Variants in FAM83D observed in about 807,000 individuals in gnomAD.
The protein encoded by FAM83D is protein FAM83D.
In FAM83D, 26 loss-of-function variants were observed where a neutral mutation model predicts 25.4. The ratio of observed to expected loss-of-function variants is 1.02; its 90% CI spans 0.75 to 1.42. The LOEUF (loss-of-function observed/expected upper bound fraction) is 1.42, where lower values mean the gene tolerates loss of function less well. Ranked by LOEUF, FAM83D falls within the 40% of genes most tolerant of loss-of-function variation. FAM83D has a pLI of 0.00. For missense variants in FAM83D, 740 were observed against 758.1 expected, an observed-to-expected ratio of 0.98 and a Z score of 0.28; for synonymous variants, 310 against 318.5, an observed-to-expected ratio of 0.97 and a Z score of 0.28.
In FAM83D at chr20:38,926,777, T is replaced by C; in HGVS notation, c.335T>C (p.Leu112Pro). 2 of 1,547,686 alleles carry C rather than the reference T, an allele frequency of 1.3e-6. No individual in the cohort carries two copies. The highest frequency in any genetic ancestry group is 1.7e-6 in the Non-Finnish European group (2 of 1,152,766). Residue 112 changes from leucine (L) to proline (P), a missense_variant, in exon 1 of 4, where the codon CTG becomes CCG. Leu to Pro is a moderately conservative substitution (Grantham distance 98, BLOSUM62 -3). Around this residue, in one of 3 missense-constraint regions of FAM83D, gnomAD observed 333 missense variants for 298.6 expected, o/e 1.12. Transcript: ENST00000619850. ...GAGCAGTCGGACCTGGAGCCACCGC[T>C]GTTGGAGCTTGGCTGGCCCGCCTTC... is the stretch of plus-strand genomic sequence containing the variant. ...FPEQSDLEPP[L>P]LELGWPAFYQ...
chr20:38,937,220 C>T (rs1184826225), intron 1 of FAM83D, among the ~76,000 whole-genome samples: 2 of 152,230 alleles, frequency 1.3e-5, no homozygotes, highest in Non-Finnish European at 2.9e-5. Context: ...TCACCACTCT[C>T]ACGACTTTCT....
At chr20:38,947,234 C>T (rs1023592576) in intron 2 of FAM83D, among the ~76,000 whole-genome samples, 2 of 152,214 alleles carry the variant, frequency 1.3e-5, no homozygotes, top group African/African-American at 4.8e-5. Flanking sequence ...ATTGCCCCAG[C>T]ATACCACTAC....
chr20:38,946,197 CAAAA>C (rs56740383), intron 2 of FAM83D, among the ~76,000 whole-genome samples: 1,340 of 78,586 alleles, frequency 0.017, 36 homozygotes, highest in African/African-American at 0.054. Context: ...GACTCCACCT[CAAAA>C]AAAAAAAAAA....
chr20:38,934,587 C>T (rs185953102), intron 1 of FAM83D, among the ~76,000 whole-genome samples: 6 of 152,232 alleles, frequency 3.9e-5, no homozygotes, highest in African/African-American at 1.4e-4. Flanking sequence ...TATATTTACC[C>T]ATTGATCTAC....
chr20:38,948,539 T>C (rs2085739472), intron 3 of FAM83D, among the ~76,000 whole-genome samples: 1 of 152,214 alleles, frequency 6.6e-6, no homozygotes, highest in Admixed American at 6.5e-5. Context: ...ACATTGGCAA[T>C]GGCATCTTAA....
rs371688367 is a variant in FAM83D, at chr20:38,951,466, T to C, written c.777-73T>C. On this transcript the variant is annotated intron_variant, in intron 3 of 3. Transcript: ENST00000619850. ...GTGGTAAGATACCTGTACTATATTATTCAGATGGACAGTGAGTAAAACAAA... is the reference window on the plus strand; with the variant it reads ...GTGGTAAGATACCTGTACTATATTACTCAGATGGACAGTGAGTAAAACAAA... The C allele has an allele frequency of 1.6e-4, 238 of 1,511,102 alleles. 4 individuals carry two copies. Among genetic ancestry groups the C allele is most frequent in the East Asian group, 1.6e-3 (69 of 43,886 alleles). 93.6% of individuals were successfully genotyped at this position (1,511,102 alleles called of 1,614,324 possible).
At chr20:38,935,474 A>G (rs2085674902) in intron 1 of FAM83D, among the ~76,000 whole-genome samples, 1 of 152,206 alleles carries the variant, frequency 6.6e-6, no homozygotes, top group Non-Finnish European at 1.5e-5. Context: ...ACAAGTTCTC[A>G]TTCTGTTGCC....
At chr20:38,948,278 C>T (rs2085737935) in intron 3 of FAM83D, among the ~76,000 whole-genome samples, 1 of 152,122 alleles carries the variant, frequency 6.6e-6, no homozygotes, top group Admixed American at 6.5e-5. Context: ...AGCCTTGGCC[C>T]AGGTCTGCAG....
intron 1 of FAM83D, 95 bp downstream of exon 1, chr20:38,927,020 T>C (rs1191734723): frequency 8.7e-6 from 12 of 1,384,686 alleles, no homozygotes; most frequent in African/African-American, 1.5e-5. Context: ...GGCCACTACC[T>C]CCTCTGCGCC....
intron 1 of FAM83D, among the ~76,000 whole-genome samples, chr20:38,932,899 G>A (rs571697573): frequency 2.6e-5 from 4 of 152,334 alleles, no homozygotes; most frequent in Non-Finnish European, 4.4e-5. Context: ...TAACCTGAGC[G>A]TTAGTAGTGG....
Position 38,952,059 on chromosome 20 carries a change from A to T in FAM83D, c.1297A>T (p.Thr433Ser), listed in dbSNP as rs1283061930. ...AVITRIASSQTTIWSRSTTTQ... is the reference protein window; with the variant it reads ...AVITRIASSQSTIWSRSTTTQ... ...CATCACCAGGATAGCAAGCTCTCAA[A>T]CCACGATTTGGTCCAGATCGACCAC... The change falls in exon 4 of 4, where the codon ACC (threonine) becomes TCC (serine). Residue 433 changes from threonine (T) to serine (S), a missense_variant. Physicochemically the swap from Thr to Ser is moderately conservative, Grantham distance 58. Transcript: ENST00000619850. 3 of 1,614,226 alleles carry T rather than the reference A, an allele frequency of 1.9e-6. No homozygotes were observed. Among genetic ancestry groups the T allele is most frequent in the Non-Finnish European group, 2.5e-6 (3 of 1,180,032 alleles).
chr20:38,935,499 G>T (rs969715824), intron 1 of FAM83D, among the ~76,000 whole-genome samples: 5 of 152,348 alleles, frequency 3.3e-5, no homozygotes, highest in African/African-American at 1.2e-4. Context: ...CTAGAGTGCA[G>T]TGGTGCAATC....
In FAM83D at chr20:38,947,937, T is replaced by C. The variant is rs2145807745; in HGVS notation, c.713T>C (p.Ile238Thr). The change falls in exon 3 of 4, where the codon ATT (isoleucine) becomes ACT (threonine). Residue 238 changes from isoleucine to threonine, a missense_variant. By Grantham distance (89) the Ile-to-Thr change is moderately conservative (BLOSUM62 -1). This residue lies in a region of FAM83D where 32 missense variants were observed against 56.2 expected (regional missense o/e 0.57). Transcript: ENST00000619850. ...TATGCAAGGTCAGGAACTAAGATTA[T>C]TGGGAAGGTTCACGAAAAGTTCACG... The part of the protein sequence containing the change: ...IYYARSGTKI[I>T]GKVHEKFTLI... 2 of 1,614,174 alleles carry C rather than the reference T, an allele frequency of 1.2e-6. No individual in the cohort carries two copies. The highest frequency in any genetic ancestry group is 4.5e-5 in the East Asian group (2 of 44,880).
At chr20:38,948,241 AAC>A (rs1303611546) in intron 3 of FAM83D, among the ~76,000 whole-genome samples, 2 of 152,330 alleles carry the variant, frequency 1.3e-5, no homozygotes, top group East Asian at 1.9e-4. Context: ...GTATTGAGAC[AAC>A]ACAGTCAGCA....
intron 1 of FAM83D, among the ~76,000 whole-genome samples, chr20:38,929,125 T>C (rs59265243): frequency 0.15 from 21,413 of 147,066 alleles, 1,617 homozygotes; most frequent in Middle Eastern, 0.2. Flanking sequence ...TGTAGTGAGC[T>C]GAGATCACAC....
intron 1 of FAM83D, among the ~76,000 whole-genome samples, chr20:38,930,626 G>A (rs2085655040): frequency 6.6e-6 from 1 of 151,446 alleles, no homozygotes; most frequent in Non-Finnish European, 1.5e-5. Context: ...GATTACAGGA[G>A]CACACCACCA....
intron 1 of FAM83D, among the ~76,000 whole-genome samples, chr20:38,936,647 C>T (rs1237543414): frequency 1.3e-5 from 2 of 152,016 alleles, no homozygotes; most frequent in Non-Finnish European, 2.9e-5. Context: ...TTAGATGGCT[C>T]CGGAGTCACA....
intron 2 of FAM83D, among the ~76,000 whole-genome samples, chr20:38,946,346 T>A (rs2085728563): frequency 6.6e-6 from 1 of 152,194 alleles, no homozygotes; most frequent in Admixed American, 6.5e-5. Context: ...ATTTTTAGCT[T>A]ATTTTGAATA....
At chr20:38,929,808 A>G (rs78184672) in intron 1 of FAM83D, among the ~76,000 whole-genome samples, 1 of 151,788 alleles carries the variant, frequency 6.6e-6, no homozygotes, top group Non-Finnish European at 1.5e-5. Context: ...AAAAAAAAAA[A>G]AGTAATGCTT....
Sources: allele counts gnomAD v4.1 joint callset (sites outside exome capture counted in the v4.1 genomes callset), GRCh38; gene constraint gnomAD v4.1.1; regional missense constraint gnomAD v4.1.1; transcripts MANE v1.5; gene names NCBI Gene and HGNC (gene_info 2026-07-23, HGNC 2026-07-21).